HKDC1: variants seen among roughly 807,000 people sequenced by gnomAD.
HKDC1 encodes hexokinase domain containing 1.
HKDC1 carries 66 observed loss-of-function variants against 96.6 expected under a neutral mutation model. That is an observed-to-expected ratio of 0.68 (90% confidence interval 0.56 to 0.84). HKDC1 has a LOEUF of 0.84. Ranked by LOEUF, HKDC1 falls within the 40% of genes least tolerant of loss-of-function variation. HKDC1 has a pLI of 0.00. For missense variants in HKDC1, 1,211 were observed against 1,208.1 expected, an observed-to-expected ratio of 1.00 and a Z score of -0.04; for synonymous variants, 466 against 473.1, an observed-to-expected ratio of 0.98 and a Z score of 0.20.
intron 4 of HKDC1, among the ~76,000 whole-genome samples, chr10:69,237,493 T>TTTATTTAATATATATACCTATATTAG (rs1843381133): frequency 6.6e-6 from 1 of 152,156 alleles, no homozygotes; most frequent in Non-Finnish European, 1.5e-5. Flanking sequence ...TAAATACAAG[T>TTTATTTAATATATATACCTATATTAG]GTTATCCTGT....
At chr10:69,250,778 C>T (rs1843629822) in intron 12 of HKDC1, 126 bp downstream of exon 12, 1 of 982,212 alleles carries the variant, frequency 1.0e-6, no homozygotes, top group South Asian at 1.5e-5. Flanking sequence ...CAGCTGGGAA[C>T]ACATGATAGA....
chr10:69,239,582 A>G (rs1366915178), intron 5 of HKDC1, among the ~76,000 whole-genome samples: 3 of 152,202 alleles, frequency 2.0e-5, no homozygotes, highest in East Asian at 3.8e-4. Flanking sequence ...GTATTTTACA[A>G]TAATTTAAAC....
chr10:69,248,664 G>C lies in HKDC1; in HGVS notation c.1506G>C (p.Lys502Asn). 1.9e-6 allele frequency: 3 copies of C among 1,614,136 alleles called. No homozygotes were observed. Among genetic ancestry groups the C allele is most frequent in the Non-Finnish European group, 2.5e-6 (3 of 1,180,018 alleles). The change falls in exon 10 of 18, where the codon AAG (lysine) becomes AAC (asparagine). Residue 502 changes from lysine to asparagine, a missense_variant. By Grantham distance (94) the Lys-to-Asn change is moderately conservative. Transcript: ENST00000354624. Reference sequence around the variant, plus strand: ...AGCTGGAGTATGGGCTGAAGAAGAAGAGCCACGGGCTGGCCACGGTCAGGA... The same window carrying C: ...AGCTGGAGTATGGGCTGAAGAAGAACAGCCACGGGCTGGCCACGGTCAGGA... The part of the protein sequence containing the change: ...RAELEYGLKK[K>N]SHGLATVRML...
In HKDC1 at chr10:69,232,878, C is replaced by A. The variant is rs35746503; in HGVS notation, c.341C>A (p.Thr114Lys). 4 of 1,613,766 alleles carry A rather than the reference C, an allele frequency of 2.5e-6. No individual in the cohort carries two copies. The highest frequency in any genetic ancestry group is 2.2e-5 in the East Asian group (1 of 44,882). ...CAGATGGAGAGTCAGTTCTACCCAA[C>A]GCCCAATGAAATCATCCGCGGGAAC... ...HVQMESQFYP[T>K]PNEIIRGNGT... The change falls in exon 3 of 18, where the codon ACG becomes AAG. Residue 114 changes from threonine to lysine, a missense_variant. Coordinates refer to ENST00000354624, the MANE Select transcript of HKDC1 (RefSeq NM_025130.4).
At chr10:69,238,907 T>C in intron 4 of HKDC1, 135 bp from the exon 5 acceptor site, 1 of 564,546 alleles carries the variant, frequency 1.8e-6, no homozygotes, top group Non-Finnish European at 3.2e-6. Context: ...AGAAGCAATG[T>C]TTTAAAAAAA....
In HKDC1 at chr10:69,257,310, TTTG is replaced by T. The variant is rs532277457; in HGVS notation, c.1933-14_1933-12del. 3.9e-5 allele frequency: 63 copies of T among 1,607,652 alleles called. No individual in the cohort carries two copies. The African/African-American group carries it at 6.8e-4, about 17-fold the overall frequency. On this transcript the variant is annotated splice_polypyrimidine_tract_variant and intron_variant, in intron 13 of 17. Coordinates refer to ENST00000354624, the MANE Select transcript of HKDC1 (RefSeq NM_025130.4). ...ATAGTAAAGCTGGGTTTTTTTTGTT[TTTG>T]TTTTTGTTTTTAGGAGTTTGACCTG...
At chr10:69,225,847 G>A (rs1326296962) in intron 1 of HKDC1, 1 of 152,358 alleles carries the variant, frequency 6.6e-6, no homozygotes, top group African/African-American at 2.4e-5. Flanking sequence ...TTGGCCTTAC[G>A]TGGCTGCCTC....
At chr10:69,260,254 G>A (rs1433342635) in intron 15 of HKDC1, among the ~76,000 whole-genome samples, 1 of 152,172 alleles carries the variant, frequency 6.6e-6, no homozygotes, top group African/African-American at 2.4e-5. Context: ...GACTGGCCCT[G>A]GTGGTTTCTT....
intron 8 of HKDC1, among the ~76,000 whole-genome samples, chr10:69,246,934 G>A (rs190878535): frequency 1.8e-3 from 268 of 152,366 alleles, no homozygotes; most frequent in African/African-American, 6.3e-3. Flanking sequence ...GAACTTGGCA[G>A]GGACAGAATT....
At chr10:69,262,128 C>A in intron 16 of HKDC1, 1 of 416,272 alleles carries the variant, frequency 2.4e-6, no homozygotes, top group Non-Finnish European at 4.8e-6. Flanking sequence ...GGTGATGATT[C>A]CTGCAGTTAT....
chr10:69,236,598 T>C (rs530577269), intron 4 of HKDC1, among the ~76,000 whole-genome samples: 216 of 151,522 alleles, frequency 1.4e-3, no homozygotes, highest in African/African-American at 4.8e-3. Context: ...CTGACCAACA[T>C]GGAGAAACCC....
At position 69,247,574 on chromosome 10, in the gene HKDC1, C is replaced by T. The variant is rs1186186491; in HGVS notation, c.1246C>T (p.Leu416Phe). ...GACCACAGTGGGCATGGACGGCACC[C>T]TCTACAAGATACACCCTCAGTGAGT... Reference protein sequence around the residue: ...LRTTVGMDGTLYKIHPQYPKR... With the variant: ...LRTTVGMDGTFYKIHPQYPKR... Residue 416 changes from leucine to phenylalanine, a missense_variant, in exon 9 of 18, where the codon CTC (leucine) becomes TTC (phenylalanine). By Grantham distance (22) the Leu-to-Phe change is conservative. Transcript: ENST00000354624. 6.2e-7 allele frequency: 1 copy of T among 1,614,046 alleles called. No homozygotes were observed. Among genetic ancestry groups the T allele is most frequent in the Admixed American group, 1.7e-5 (1 of 60,020 alleles).
At position 69,267,516 on chromosome 10, in the gene HKDC1, C is replaced by G; in HGVS notation, c.*759C>G. 2.2e-6 allele frequency: 1 copy of G among 451,062 alleles called. No individual in the cohort carries two copies. Among genetic ancestry groups the G allele is most frequent in the South Asian group, 1.6e-5 (1 of 62,716 alleles). The allele number at this position is 451,062 out of a possible 1,614,324, so 27.9% of individuals were successfully genotyped here. ...TAAGGATTGTTAGGTATAGGAAATC[C>G]AGTAAATTAATAAAAAAATTTTGAT... On this transcript the variant is annotated 3_prime_UTR_variant, in exon 18 of 18. Coordinates refer to ENST00000354624, the MANE Select transcript of HKDC1 (RefSeq NM_025130.4).
rs147095071 is a variant in HKDC1 at position 69,226,340 on chromosome 10, C to T, written c.64-867C>T. 1.3e-3 allele frequency among the ~76,000 whole-genome samples: 199 copies of T among 152,270 alleles called. 1 individual carries two copies. The South Asian group carries it at 0.013, about 10-fold the overall frequency. The stretch of plus-strand genomic sequence containing the variant: ...CAGCTTTGTCTTAACTAGAACAACT[C>T]AGTTAAACCAAAATGGACATTTATG... On this transcript the variant is annotated intron_variant, in intron 1 of 17. Transcript: ENST00000354624.
intron 17 of HKDC1, 147 bp from the exon 18 acceptor site, chr10:69,266,463 T>TGA: frequency 3.7e-5 from 20 of 547,632 alleles, no homozygotes; most frequent in Non-Finnish European, 4.9e-5. Flanking sequence ...AGACCATGTC[T>TGA]AAAAAAAAAA....
chr10:69,251,276 A>G lies in HKDC1; in HGVS notation c.1836+624A>G, dbSNP rs542984662. Among the ~76,000 whole-genome samples the G allele has an allele frequency of 2.0e-5, 3 of 151,544 alleles. No homozygotes were observed. In the East Asian group the frequency reaches 5.8e-4, roughly 29 times the overall value. ...CGCCTGGCTAATTTTTTGTATTTTT[A>G]GTAGAGATGGGGTTTCACCATGTTG... On this transcript the variant is annotated intron_variant, in intron 12 of 17. Coordinates refer to ENST00000354624, the MANE Select transcript of HKDC1 (RefSeq NM_025130.4).
chr10:69,240,445 A>G (rs1287339788), intron 5 of HKDC1, among the ~76,000 whole-genome samples: 1 of 152,078 alleles, frequency 6.6e-6, no homozygotes, highest in Non-Finnish European at 1.5e-5. Context: ...AAGCAAGAGG[A>G]TGGGCTCCCC....
rs1389746783 is a variant in HKDC1, at chr10:69,247,600, G to C, written c.1265+7G>C. 6.2e-7 allele frequency: 1 copy of C among 1,609,438 alleles called. No individual in the cohort carries two copies. The highest frequency in any genetic ancestry group is 1.7e-5 in the Admixed American group (1 of 59,970). Reference sequence around the variant, plus strand: ...TCTACAAGATACACCCTCAGTGAGTGCTGCCTGCCATCCACGCCCCCACAA... The same window carrying C: ...TCTACAAGATACACCCTCAGTGAGTCCTGCCTGCCATCCACGCCCCCACAA... On this transcript the variant is annotated splice_region_variant and intron_variant, in intron 9 of 17. Transcript: ENST00000354624.
intron 16 of HKDC1, chr10:69,261,528 G>C (rs1313663633): frequency 4.5e-6 from 2 of 439,676 alleles, no homozygotes; most frequent in Non-Finnish European, 8.2e-6. Flanking sequence ...TCCTCAGGCT[G>C]GGCTAATTTG....
Sources: allele counts gnomAD v4.1 joint callset (sites outside exome capture counted in the v4.1 genomes callset), GRCh38; gene constraint gnomAD v4.1.1; transcripts MANE v1.5; gene names NCBI Gene and HGNC (gene_info 2026-07-23, HGNC 2026-07-21).